NEGR1: variants seen among roughly 807,000 people sequenced by gnomAD.
The protein encoded by NEGR1 is neuronal growth regulator 1.
NEGR1 carries 10 observed loss-of-function variants against 40.9 expected under a neutral mutation model. The observed-to-expected ratio is 0.24, with a 90% CI of 0.15 to 0.42. The LOEUF is 0.42. Ranked by LOEUF, NEGR1 falls within the 10% of genes least tolerant of loss-of-function variation. The pLI is 1.00. For synonymous variants in NEGR1, 185 were observed against 166.8 expected, an observed-to-expected ratio of 1.11 and a Z score of -0.84; for missense variants, 352 against 438.9, an observed-to-expected ratio of 0.80 and a Z score of 1.77.
chr1:71,435,122 A>C lies in NEGR1; in HGVS notation c.941-27552T>G, dbSNP rs571702084. On this transcript the variant is annotated intron_variant, in intron 6 of 6. Coordinates refer to ENST00000357731, the MANE Select transcript of NEGR1 (RefSeq NM_173808.3). ...ACAAACAAACAAACAAAAAAAAAAA[A>C]AAAAGAGGGAATTATTGTATCTACA... 3.6e-4 allele frequency among the ~76,000 whole-genome samples: 55 copies of C among 152,058 alleles called. 1 individual carries two copies. Among genetic ancestry groups the C allele is most frequent in the South Asian group, 1.0e-3 (5 of 4,810 alleles).
chr1:71,527,204 T>G (rs1647226923), intron 6 of NEGR1, among the ~76,000 whole-genome samples: 1 of 151,610 alleles, frequency 6.6e-6, no homozygotes, highest in South Asian at 2.1e-4. Flanking sequence ...GTCCAATCAC[T>G]TTTGCATCTC....
intron 6 of NEGR1, among the ~76,000 whole-genome samples, chr1:71,487,771 T>A (rs539951313): frequency 6.6e-6 from 1 of 151,896 alleles, no homozygotes; most frequent in South Asian, 2.1e-4. Context: ...GAGTAAATCT[T>A]TTCTTTTGTA....
At chr1:72,221,011 A>T (rs907134046) in intron 1 of NEGR1, among the ~76,000 whole-genome samples, 1 of 151,816 alleles carries the variant, frequency 6.6e-6, no homozygotes, top group Admixed American at 6.6e-5. Context: ...AACATGACAA[A>T]TTTATACTCT....
intron 4 of NEGR1, among the ~76,000 whole-genome samples, chr1:71,687,945 T>C (rs1322514147): frequency 6.6e-6 from 1 of 152,144 alleles, no homozygotes; most frequent in Non-Finnish European, 1.5e-5. Context: ...AATACATACA[T>C]CTATAAGATG....
At chr1:72,214,885 G>T (rs1002904039) in intron 1 of NEGR1, among the ~76,000 whole-genome samples, 1 of 151,182 alleles carries the variant, frequency 6.6e-6, no homozygotes, top group Admixed American at 6.6e-5. Context: ...ATTTCATATG[G>T]AACCAAAAAA....
Position 72,177,255 on chromosome 1 carries a change from G to A in NEGR1, c.176+105064C>T, listed in dbSNP as rs192389736. On this transcript the variant is annotated intron_variant, in intron 1 of 6. Coordinates refer to ENST00000357731, the MANE Select transcript of NEGR1 (RefSeq NM_173808.3). ...CATGGTATATTTTTAGCAACCGACA[G>A]AGTAAGGATTCAAAGCCAGGCACAG... Among the ~76,000 whole-genome samples, 430 of 152,186 alleles carry A rather than the reference G, an allele frequency of 2.8e-3. 1 individual carries two copies. The highest frequency in any genetic ancestry group is 4.9e-3 in the Non-Finnish European group (331 of 67,958).
chr1:71,855,782 G>T (rs147223067), intron 2 of NEGR1, among the ~76,000 whole-genome samples: 26 of 151,844 alleles, frequency 1.7e-4, no homozygotes, highest in Non-Finnish European at 3.5e-4. Flanking sequence ...TAGATGCTTT[G>T]GGTGGCAATA....
intron 1 of NEGR1, among the ~76,000 whole-genome samples, chr1:72,115,064 T>C (rs922845279): frequency 6.6e-6 from 1 of 151,756 alleles, no homozygotes; most frequent in Non-Finnish European, 1.5e-5. Context: ...GAAAGATAGA[T>C]ACTGAAACTT....
chr1:71,759,302 T>TC (rs1429929785), intron 3 of NEGR1, among the ~76,000 whole-genome samples: 2 of 136,966 alleles, frequency 1.5e-5, no homozygotes, highest in African/African-American at 2.7e-5. Flanking sequence ...TTTTTTTTTT[T>TC]TTTTTTTTTT....
At chr1:71,442,104 CCTTT>C (rs1646550732) in intron 6 of NEGR1, among the ~76,000 whole-genome samples, 1 of 151,444 alleles carries the variant, frequency 6.6e-6, no homozygotes, top group Non-Finnish European at 1.5e-5. Flanking sequence ...TTAGGAAACA[CCTTT>C]CTATTACTCA....
intron 4 of NEGR1, among the ~76,000 whole-genome samples, chr1:71,623,419 T>A (rs1650670358): frequency 6.6e-6 from 1 of 151,946 alleles, no homozygotes; most frequent in South Asian, 2.1e-4. Flanking sequence ...TATTTCTATA[T>A]GGTTCAAAGA....
intron 1 of NEGR1, among the ~76,000 whole-genome samples, chr1:72,021,430 TTGAAA>T (rs1301144470): frequency 1.3e-5 from 2 of 152,088 alleles, no homozygotes; most frequent in African/African-American, 2.4e-5. Flanking sequence ...ATTAATGCAT[TTGAAA>T]TTCAGGTATA....
chr1:72,050,519 T>C (rs1180938873), intron 1 of NEGR1, among the ~76,000 whole-genome samples: 1 of 151,614 alleles, frequency 6.6e-6, no homozygotes, highest in Non-Finnish European at 1.5e-5. Flanking sequence ...GTTTGTCTAC[T>C]TCAATTCTAA....
At chr1:71,729,382 T>C (rs1014706988) in intron 3 of NEGR1, among the ~76,000 whole-genome samples, 4 of 152,176 alleles carry the variant, frequency 2.6e-5, no homozygotes, top group Admixed American at 6.5e-5. Context: ...AAATCAAATC[T>C]AGTCTAGCCA....
intron 1 of NEGR1, among the ~76,000 whole-genome samples, chr1:71,989,954 T>G (rs1268629564): frequency 6.6e-6 from 1 of 152,180 alleles, no homozygotes; most frequent in African/African-American, 2.4e-5. Context: ...ATCTTTTTGA[T>G]CTCTGATACA....
At chr1:71,740,270 G>C (rs918450370) in intron 3 of NEGR1, among the ~76,000 whole-genome samples, 6 of 152,122 alleles carry the variant, frequency 3.9e-5, no homozygotes, top group African/African-American at 1.4e-4. Context: ...AATACAGATA[G>C]TTCTCAGTAA....
chr1:71,583,153 T>C (rs926927243), intron 6 of NEGR1, among the ~76,000 whole-genome samples: 14 of 150,706 alleles, frequency 9.3e-5, no homozygotes, highest in Non-Finnish European at 1.9e-4. Flanking sequence ...AATAAATAAA[T>C]AGGTGAGAGC....
At chr1:71,733,211 A>G (rs908773956) in intron 3 of NEGR1, among the ~76,000 whole-genome samples, 1 of 152,182 alleles carries the variant, frequency 6.6e-6, no homozygotes, top group South Asian at 2.1e-4. Context: ...CTACATTTTA[A>G]TACTCAAACA....
chr1:72,268,903 T>C (rs1412954827), intron 1 of NEGR1, among the ~76,000 whole-genome samples: 1 of 126,640 alleles, frequency 7.9e-6, no homozygotes, highest in Non-Finnish European at 1.5e-5. Flanking sequence ...TGAAAGCCTT[T>C]TTTAACAATA....
Sources: gnomAD v4.1 joint callset for allele counts (sites outside exome capture counted in the v4.1 genomes callset) on GRCh38, gnomAD v4.1.1 for gene constraint, MANE v1.5 for transcripts, NCBI Gene and HGNC (gene_info 2026-07-23, HGNC 2026-07-21) for gene names.